Variants in EPAS1 observed in about 807,000 individuals in gnomAD.
EPAS1 encodes the protein endothelial PAS domain-containing protein 1.
In EPAS1, 23 loss-of-function variants were observed where a neutral mutation model predicts 87.9. That is an observed-to-expected ratio of 0.26 (90% CI 0.19 to 0.37). The LOEUF is 0.37. EPAS1 is among the 10% of genes least tolerant of loss of function. The pLI is 1.00. For missense variants in EPAS1, 1,138 were observed against 1,120.7 expected (o/e 1.02, Z -0.22); for synonymous variants, 508 against 444.3 (o/e 1.14, Z -1.80).
chr2:46,299,945 C>T, intron 1 of EPAS1, among the ~76,000 whole-genome samples: 1 of 152,210 alleles, frequency 6.6e-6, no homozygotes, highest in African/African-American at 2.4e-5. Flanking sequence ...CCTTGGAGGC[C>T]GCTGTGTGAG....
chr2:46,384,436 G>C, intron 15 of EPAS1, 73 bp from the exon 16 acceptor site: 1 of 1,605,174 alleles, frequency 6.2e-7, no homozygotes, highest in Non-Finnish European at 8.5e-7. Flanking sequence ...GTATCCCCCA[G>C]TCACAAAGAA....
chr2:46,367,133 T>C (rs570802980), intron 6 of EPAS1, among the ~76,000 whole-genome samples: 16 of 152,394 alleles, frequency 1.0e-4, no homozygotes, highest in African/African-American at 3.4e-4. Context: ...AGGTTTGTTT[T>C]TCCACTTCCA....
At chr2:46,340,525 T>C (rs1298906363) in intron 1 of EPAS1, among the ~76,000 whole-genome samples, 1 of 152,194 alleles carries the variant, frequency 6.6e-6, no homozygotes, top group Non-Finnish European at 1.5e-5. Context: ...TCCCCTCTTG[T>C]AGACTTTTGA....
At chr2:46,299,491 C>A (rs1407071841) in intron 1 of EPAS1, among the ~76,000 whole-genome samples, 1 of 152,200 alleles carries the variant, frequency 6.6e-6, no homozygotes, top group Non-Finnish European at 1.5e-5. Flanking sequence ...TCTTAAGATT[C>A]CAGTGCGTTT....
intron 1 of EPAS1, among the ~76,000 whole-genome samples, chr2:46,343,040 TC>T (rs1234711501): frequency 1.3e-5 from 2 of 151,914 alleles, no homozygotes; most frequent in Non-Finnish European, 2.9e-5. Context: ...CACCTTTTTC[TC>T]CACCTGCGGC....
At chr2:46,356,385 C>G (rs1387682619) in intron 3 of EPAS1, 83 bp downstream of exon 3, 2 of 1,559,422 alleles carry the variant, frequency 1.3e-6, no homozygotes, top group African/African-American at 2.7e-5. Flanking sequence ...AGCCACAATC[C>G]CACTTGACCT....
Position 46,378,024 on chromosome 2 carries a change from C to T in EPAS1, c.1380C>T (p.Pro460=), listed in dbSNP as rs140679254. 3.0e-5 allele frequency: 48 copies of T among 1,603,674 alleles called. No individual in the cohort carries two copies. The African/African-American group carries it at 3.9e-4, about 13-fold the overall frequency. The change falls in exon 10 of 16, where the codon CCC becomes CCT. Residue 460 remains proline, a synonymous_variant. Transcript: ENST00000263734. ...GGAGCCTGCCTGCCTTCACCGTGCC[C>T]CAGGCAGCTGCCCCGGGCAGCACCA... The part of the protein sequence containing the change: ...EAGSLPAFTV[P]QAAAPGSTTP...
intron 1 of EPAS1, among the ~76,000 whole-genome samples, chr2:46,329,747 G>A (rs554594139): frequency 6.6e-6 from 1 of 151,436 alleles, no homozygotes; most frequent in East Asian, 2.0e-4. Flanking sequence ...GCTTGAACCC[G>A]GGAGGCGGAA....
rs4953349 is a variant in EPAS1, at chr2:46,333,505, T to A, written c.27-13368T>A. 2.2e-3 allele frequency among the ~76,000 whole-genome samples: 327 copies of A among 151,818 alleles called. 2 individuals are homozygous for A. The highest frequency in any genetic ancestry group is 7.5e-3 in the African/African-American group (309 of 41,404). ...GCAGGCCTATGTTGGCTCTCAAACT[T>A]TAGGGTTTAGAAGGTCAGAAAGGAA... On this transcript the variant is annotated intron_variant, in intron 1 of 15. Transcript: ENST00000263734.
At chr2:46,358,633 A>G (rs920070539) in intron 4 of EPAS1, among the ~76,000 whole-genome samples, 7 of 152,178 alleles carry the variant, frequency 4.6e-5, no homozygotes, top group African/African-American at 1.7e-4. Flanking sequence ...AAAGGCGACA[A>G]CCTTTCAGTT....
chr2:46,319,650 T>C (rs538358131), intron 1 of EPAS1, among the ~76,000 whole-genome samples: 1 of 152,324 alleles, frequency 6.6e-6, no homozygotes, highest in African/African-American at 2.4e-5. Flanking sequence ...AAGTGTGGCA[T>C]AGATTTACAG....
At chr2:46,305,755 A>C (rs559753487) in intron 1 of EPAS1, among the ~76,000 whole-genome samples, 1 of 152,338 alleles carries the variant, frequency 6.6e-6, no homozygotes, top group East Asian at 1.9e-4. Context: ...CTATTAAAAA[A>C]ACTAAGAGAT....
intron 11 of EPAS1, among the ~76,000 whole-genome samples, 177 bp downstream of exon 11, chr2:46,378,944 C>T (rs1244605434): frequency 6.6e-6 from 1 of 152,198 alleles, no homozygotes; most frequent in African/African-American, 2.4e-5. Flanking sequence ...GTGGTCACCC[C>T]CTCCTCCCAC....
intron 1 of EPAS1, among the ~76,000 whole-genome samples, chr2:46,322,919 C>T (rs140010886): frequency 2.0e-5 from 3 of 152,356 alleles, no homozygotes; most frequent in Admixed American, 6.5e-5. Context: ...CAAACCTACC[C>T]GTCAGTGGGA....
chr2:46,332,240 G>C (rs1397559065), intron 1 of EPAS1, among the ~76,000 whole-genome samples: 2 of 147,644 alleles, frequency 1.4e-5, no homozygotes, highest in Non-Finnish European at 1.5e-5. Context: ...CCTGTCACCT[G>C]TCAGTGTTAA....
intron 6 of EPAS1, among the ~76,000 whole-genome samples, chr2:46,364,014 C>T (rs890450103): frequency 2.0e-4 from 31 of 152,106 alleles, no homozygotes; most frequent in African/African-American, 7.2e-4. Context: ...TTTGATGAGG[C>T]CTGAGATATT....
At position 46,346,792 on chromosome 2, in the gene EPAS1, G is replaced by C. The variant is rs1338695820; in HGVS notation, c.27-81G>C. 7 of 1,469,768 alleles carry C rather than the reference G, an allele frequency of 4.8e-6. No individual in the cohort carries two copies. The South Asian group carries it at 5.9e-5, about 12-fold the overall frequency. 91.0% of individuals were successfully genotyped at this position (1,469,768 alleles called of 1,614,324 possible). A position where few individuals can be genotyped will look rare whatever the true frequency, so the allele number is the denominator to read the frequency against. On this transcript the variant is annotated intron_variant, in intron 1 of 15. Coordinates refer to ENST00000263734, the MANE Select transcript of EPAS1 (RefSeq NM_001430.5). The surrounding 1 kb of genome is among the most constrained non-coding windows in gnomAD (Gnocchi z 4.0). The stretch of plus-strand genomic sequence containing the variant: ...AGGGAGTGTGGCTGCACTGGGGGTT[G>C]GGGCCATGGGGATGTCCTGGCCAGA...
chr2:46,332,270 A>G (rs1683693350), intron 1 of EPAS1, among the ~76,000 whole-genome samples: 1 of 90,562 alleles, frequency 1.1e-5, no homozygotes, highest in Admixed American at 1.5e-4. Context: ...CTGGTGTTTC[A>G]CAGAAAAAAA....
At chr2:46,298,665 G>A (rs1211534642) in intron 1 of EPAS1, among the ~76,000 whole-genome samples, 1 of 152,234 alleles carries the variant, frequency 6.6e-6, no homozygotes, top group Non-Finnish European at 1.5e-5. Flanking sequence ...GTCTGTCTCC[G>A]AAGAGGACAG....
Sources: gnomAD v4.1 joint callset for allele counts (sites outside exome capture counted in the v4.1 genomes callset) on GRCh38, gnomAD v4.1.1 for gene constraint, Gnocchi (gnomAD v3.1) non-coding constraint, MANE v1.5 for transcripts, NCBI Gene and HGNC (gene_info 2026-07-23, HGNC 2026-07-21) for gene names.